GPC5: variants seen among roughly 807,000 people sequenced by gnomAD.
GPC5 encodes the protein glypican 5, also known as glypican-5.
A neutral mutation model predicts 53.9 loss-of-function variants in GPC5; 47 were observed. The observed-to-expected ratio is 0.87, with a 90% CI of 0.69 to 1.11. The LOEUF is 1.11. GPC5 is among the 50% of genes most tolerant of loss of function. The pLI is 0.00. For synonymous variants in GPC5, 286 were observed against 263.3 expected (o/e 1.09, Z -0.84); for missense variants, 748 against 713.1 (o/e 1.05, Z -0.56).
At chr13:91,688,948 C>T (rs998422476) in intron 2 of GPC5, among the ~76,000 whole-genome samples, 1 of 151,436 alleles carries the variant, frequency 6.6e-6, no homozygotes, top group Non-Finnish European at 1.5e-5. Context: ...ACCTTGAGGC[C>T]AGGAGTTTGG....
At chr13:91,538,800 T>G (rs910150203) in intron 2 of GPC5, among the ~76,000 whole-genome samples, 1 of 151,532 alleles carries the variant, frequency 6.6e-6, no homozygotes, top group Non-Finnish European at 1.5e-5. Context: ...GCCAGGATGG[T>G]CTCGATCTCC....
At chr13:91,520,417 TA>T (rs1885740704) in intron 2 of GPC5, among the ~76,000 whole-genome samples, 1 of 152,172 alleles carries the variant, frequency 6.6e-6, no homozygotes, top group African/African-American at 2.4e-5. Context: ...AGACTTTGAA[TA>T]AAGTAGATTA....
intron 7 of GPC5, among the ~76,000 whole-genome samples, chr13:92,621,581 G>A (rs1884869048): frequency 6.6e-6 from 1 of 152,066 alleles, no homozygotes; most frequent in African/African-American, 2.4e-5. Context: ...AGCACTTTGG[G>A]AGGACAAAGT....
At chr13:91,636,663 C>A (rs1293778911) in intron 2 of GPC5, among the ~76,000 whole-genome samples, 1 of 152,128 alleles carries the variant, frequency 6.6e-6, no homozygotes, top group Non-Finnish European at 1.5e-5. Context: ...GAAAAGATTT[C>A]TGCTTCCAGG....
At chr13:91,532,448 C>A (rs1218336060) in intron 2 of GPC5, among the ~76,000 whole-genome samples, 1 of 152,154 alleles carries the variant, frequency 6.6e-6, no homozygotes, top group Non-Finnish European at 1.5e-5. Context: ...CTTTTAAAGT[C>A]TTCATTTTCC....
At chr13:91,434,669 G>A (rs1402186816) in intron 1 of GPC5, among the ~76,000 whole-genome samples, 1 of 151,946 alleles carries the variant, frequency 6.6e-6, no homozygotes, top group Non-Finnish European at 1.5e-5. Flanking sequence ...GGCGATGCGG[G>A]CTCTTTTTTG....
intron 6 of GPC5, among the ~76,000 whole-genome samples, chr13:92,013,321 A>G (rs1029604096): frequency 6.6e-6 from 1 of 152,166 alleles, no homozygotes; most frequent in Non-Finnish European, 1.5e-5. Flanking sequence ...ATGGGCAGGT[A>G]ATCTTCTCCT....
intron 7 of GPC5, among the ~76,000 whole-genome samples, chr13:92,458,282 T>C (rs569034452): frequency 3.7e-5 from 5 of 134,730 alleles, no homozygotes; most frequent in African/African-American, 1.4e-4. Flanking sequence ...GCTTAACACA[T>C]ACTAGTTATT....
intron 2 of GPC5, among the ~76,000 whole-genome samples, chr13:91,484,477 A>G (rs1883481166): frequency 6.6e-6 from 1 of 152,218 alleles, no homozygotes; most frequent in African/African-American, 2.4e-5. Context: ...TAAGCTTTTC[A>G]TTTGACATCT....
intron 2 of GPC5, among the ~76,000 whole-genome samples, chr13:91,567,500 G>A (rs1310628364): frequency 1.3e-5 from 2 of 152,178 alleles, no homozygotes; most frequent in South Asian, 2.1e-4. Flanking sequence ...GGGCAGCCCT[G>A]AATAGTGTTC....
intron 7 of GPC5, among the ~76,000 whole-genome samples, chr13:92,351,856 G>A (rs538734515): frequency 2.6e-5 from 4 of 152,240 alleles, no homozygotes; most frequent in Admixed American, 1.3e-4. Context: ...GACGTATCAC[G>A]TTCATGGGCA....
intron 7 of GPC5, among the ~76,000 whole-genome samples, chr13:92,367,441 A>C (rs575934410): frequency 3.5e-4 from 53 of 152,320 alleles, no homozygotes; most frequent in Non-Finnish European, 6.3e-4. Flanking sequence ...TTTGCTTACC[A>C]ATATCTTCAA....
chr13:91,956,634 C>T (rs1212805635), intron 6 of GPC5, among the ~76,000 whole-genome samples: 1 of 152,162 alleles, frequency 6.6e-6, no homozygotes, highest in Non-Finnish European at 1.5e-5. Flanking sequence ...CCTGGCATCC[C>T]TATCTCCAGC....
chr13:92,357,980 T>C (rs1046667895), intron 7 of GPC5, among the ~76,000 whole-genome samples: 8 of 151,654 alleles, frequency 5.3e-5, no homozygotes, highest in African/African-American at 2.0e-4. Context: ...AACAGTCCCC[T>C]GAGTTTTAAA....
intron 5 of GPC5, among the ~76,000 whole-genome samples, chr13:91,823,727 G>T (rs749294426): frequency 2.0e-5 from 3 of 152,012 alleles, no homozygotes; most frequent in Non-Finnish European, 4.4e-5. Context: ...CTATAAAACA[G>T]TGAGTGCTTT....
intron 7 of GPC5, among the ~76,000 whole-genome samples, chr13:92,451,751 C>T (rs1878068439): frequency 2.0e-5 from 3 of 152,104 alleles, no homozygotes; most frequent in Non-Finnish European, 4.4e-5. Flanking sequence ...TTATATTTAC[C>T]ATGAAATTAG....
intron 7 of GPC5, among the ~76,000 whole-genome samples, chr13:92,845,142 A>C (rs1878569383): frequency 6.6e-6 from 1 of 152,156 alleles, no homozygotes; most frequent in Non-Finnish European, 1.5e-5. Context: ...AAGGGAAAAA[A>C]AAAAGATGCT....
At chr13:91,832,235 T>A (rs1470087814) in intron 5 of GPC5, among the ~76,000 whole-genome samples, 1 of 151,912 alleles carries the variant, frequency 6.6e-6, no homozygotes, top group African/African-American at 2.4e-5. Flanking sequence ...CTCTTCTTTG[T>A]CTCTTTTAAT....
chr13:91,842,704 C>CAA (rs58660493), intron 5 of GPC5, among the ~76,000 whole-genome samples: 1,482 of 58,814 alleles, frequency 0.025, 95 homozygotes, highest in Middle Eastern at 0.033. Flanking sequence ...GACTCCGTCT[C>CAA]AAAAAAAAAA....
Sources: allele counts gnomAD v4.1 joint callset (sites outside exome capture counted in the v4.1 genomes callset), GRCh38; gene constraint gnomAD v4.1.1; transcripts MANE v1.5; gene names NCBI Gene and HGNC (gene_info 2026-07-23, HGNC 2026-07-21).